Variants in DNAJC16 observed in about 807,000 individuals in gnomAD.
The protein encoded by DNAJC16 is DnaJ heat shock protein family (Hsp40) member C16.
In DNAJC16, 76 loss-of-function variants were observed where a neutral mutation model predicts 92.7. The observed-to-expected ratio is 0.82, with a 90% CI of 0.68 to 0.99. DNAJC16 has a LOEUF of 0.99. DNAJC16 is among the 50% of genes least tolerant of loss of function. DNAJC16 has a pLI of 0.00. For synonymous variants in DNAJC16, 328 were observed against 358.7 expected (o/e 0.91, Z 0.97); for missense variants, 869 against 942.4 (o/e 0.92, Z 1.02).
intron 2 of DNAJC16, among the ~76,000 whole-genome samples, chr1:15,531,173 A>C (rs980159868): frequency 6.6e-6 from 1 of 152,208 alleles, no homozygotes; most frequent in Non-Finnish European, 1.5e-5. Context: ...GCTGAATGCG[A>C]GTAGGAAGTT....
Position 15,544,370 on chromosome 1 carries a change from G to C in DNAJC16, c.575-29G>C, listed in dbSNP as rs557471121. 1.0e-5 allele frequency: 16 copies of C among 1,582,136 alleles called. No individual in the cohort carries two copies. The South Asian group carries it at 1.1e-4, about 11-fold the overall frequency. On this transcript the variant is annotated intron_variant, in intron 4 of 14. Coordinates refer to ENST00000375847, the MANE Select transcript of DNAJC16 (RefSeq NM_015291.4). Reference sequence around the variant, plus strand: ...CCAGCTGCCATGGAGACATAAAAAGGCTTCATTTGGATCTTCCATTCTTTT... The same window carrying C: ...CCAGCTGCCATGGAGACATAAAAAGCCTTCATTTGGATCTTCCATTCTTTT...
At chr1:15,552,776 T>A (rs1638477075) in intron 7 of DNAJC16, among the ~76,000 whole-genome samples, 2 of 149,694 alleles carry the variant, frequency 1.3e-5, no homozygotes, top group South Asian at 4.3e-4. Flanking sequence ...ATTTATTTTT[T>A]TTTTTTTTGG....
At chr1:15,555,696 AAAAAG>A (rs1160463572) in intron 7 of DNAJC16, among the ~76,000 whole-genome samples, 2 of 150,584 alleles carry the variant, frequency 1.3e-5, no homozygotes, top group African/African-American at 4.9e-5. Context: ...AAAAAAAAAA[AAAAAG>A]GTAAGGCCAG....
chr1:15,544,277 A>AT, intron 4 of DNAJC16, 122 bp from the exon 5 acceptor site: 2 of 955,968 alleles, frequency 2.1e-6, no homozygotes, highest in Non-Finnish European at 3.0e-6. Context: ...TAGACAGTCT[A>AT]TTAGGAAAGA....
At chr1:15,538,284 A>G (rs937417923) in intron 4 of DNAJC16, among the ~76,000 whole-genome samples, 1 of 151,452 alleles carries the variant, frequency 6.6e-6, no homozygotes, top group African/African-American at 2.4e-5. Flanking sequence ...AGTCCCAGCT[A>G]CTCCGGAGGC....
At chr1:15,532,801 C>G (rs1161229152) in intron 2 of DNAJC16, among the ~76,000 whole-genome samples, 5 of 151,960 alleles carry the variant, frequency 3.3e-5, no homozygotes, top group African/African-American at 4.8e-5. Context: ...TTTTCCCCCA[C>G]TAATACTCAT....
At chr1:15,564,561 G>A (rs1638767337) in intron 11 of DNAJC16, among the ~76,000 whole-genome samples, 1 of 135,634 alleles carries the variant, frequency 7.4e-6, no homozygotes, top group Non-Finnish European at 1.6e-5. Flanking sequence ...TTTTTTTTGA[G>A]ACAAAGTCTT....
chr1:15,568,461 T>G lies in DNAJC16; in HGVS notation c.*284T>G. 1 of 510,046 alleles carries G rather than the reference T, an allele frequency of 2.0e-6. No individual in the cohort carries two copies. Among genetic ancestry groups the G allele is most frequent in the South Asian group, 3.7e-5 (1 of 27,210 alleles). 31.6% of individuals were successfully genotyped at this position (510,046 alleles called of 1,614,324 possible). On this transcript the variant is annotated 3_prime_UTR_variant, in exon 15 of 15. Coordinates refer to ENST00000375847, the MANE Select transcript of DNAJC16 (RefSeq NM_015291.4). ...CTGCTCATCCCCTCTTCCTTTCTTG[T>G]CCTTGTCCCATGCTCACCCCACCCT...
intron 4 of DNAJC16, among the ~76,000 whole-genome samples, chr1:15,543,254 C>A (rs1303046807): frequency 1.3e-5 from 2 of 152,176 alleles, no homozygotes; most frequent in African/African-American, 4.8e-5. Context: ...TGTGTGTGGA[C>A]CCTGAGTGTG....
At chr1:15,558,850 C>A (rs553685383) in intron 7 of DNAJC16, among the ~76,000 whole-genome samples, 1 of 152,130 alleles carries the variant, frequency 6.6e-6, no homozygotes, top group Admixed American at 6.6e-5. Flanking sequence ...TTTAATTGCC[C>A]AGTTCGCTAC....
rs764935840 is a variant in DNAJC16, at chr1:15,564,319, T to G, written c.1558T>G (p.Tyr520Asp). 1 of 1,611,024 alleles carries G rather than the reference T, an allele frequency of 6.2e-7. No individual in the cohort carries two copies. The highest frequency in any genetic ancestry group is 8.5e-7 in the Non-Finnish European group (1 of 1,177,110). Residue 520 changes from tyrosine (Y) to aspartate (D), a missense_variant, in exon 11 of 15, where the codon TAC becomes GAC. By Grantham distance (160) the Tyr-to-Asp change is radical. Transcript: ENST00000375847. Reference sequence around the variant, plus strand: ...TCGATGGTTCTACTCTGCTTCTGACTACATCTCAGACTGCTGGGATAGCAT... The same window carrying G: ...TCGATGGTTCTACTCTGCTTCTGACGACATCTCAGACTGCTGGGATAGCAT... ...LLRWFYSASD[Y>D]ISDCWDSIFH...
chr1:15,564,865 C>T (rs566267903), intron 11 of DNAJC16, among the ~76,000 whole-genome samples: 2 of 150,270 alleles, frequency 1.3e-5, no homozygotes, highest in Non-Finnish European at 3.0e-5. Flanking sequence ...GACAGAGTCT[C>T]ACTCTGTCAC....
chr1:15,561,584 C>T (rs1489469460), intron 8 of DNAJC16, among the ~76,000 whole-genome samples: 1 of 152,100 alleles, frequency 6.6e-6, no homozygotes, highest in African/African-American at 2.4e-5. Context: ...ACTTGGGAGG[C>T]TGAGGCAGGA....
In DNAJC16 at chr1:15,562,301, T is replaced by C; in HGVS notation, c.1314T>C (p.Ser438=). 1.2e-6 allele frequency: 2 copies of C among 1,613,640 alleles called. No homozygotes were observed. Among genetic ancestry groups the C allele is most frequent in the Non-Finnish European group, 1.7e-6 (2 of 1,179,636 alleles). The part of the protein sequence containing the change: ...QEFADTLLPD[S]EAFQGKSAVS... ...TTGCCGACACCTTACTACCAGACAG[T>C]GAGGCGTTTCAAGGGAAATCAGCGG... is the stretch of plus-strand genomic sequence containing the variant. The change falls in exon 9 of 15, where the codon AGT becomes AGC. Residue 438 remains serine (S), a synonymous_variant. Transcript: ENST00000375847.
intron 8 of DNAJC16, among the ~76,000 whole-genome samples, chr1:15,561,221 A>T (rs1405959699): frequency 6.6e-6 from 1 of 151,764 alleles, no homozygotes; most frequent in Non-Finnish European, 1.5e-5. Context: ...TGTCTATATT[A>T]CCTGACATAT....
chr1:15,554,212 AAAG>A lies in DNAJC16; in HGVS notation c.1024-5311_1024-5309del, dbSNP rs369718309. On this transcript the variant is annotated intron_variant, in intron 7 of 14. Transcript: ENST00000375847. ...AGCAAGACCCTGTCTCAAAAAAAAA[AAAG>A]AAAGAAAATTGCATGATAGGAATAG... 2.7e-3 allele frequency among the ~76,000 whole-genome samples: 417 copies of A among 152,220 alleles called. 3 individuals carry two copies. The highest frequency in any genetic ancestry group is 9.3e-3 in the African/African-American group (385 of 41,566).
chr1:15,563,694 C>CAAA (rs1638743030), intron 9 of DNAJC16, among the ~76,000 whole-genome samples: 171 of 127,830 alleles, frequency 1.3e-3, no homozygotes, highest in African/African-American at 2.4e-3. Context: ...AAAAAAATAC[C>CAAA]AAAAATTAGC....
chr1:15,546,975 G>C, intron 6 of DNAJC16, 104 bp downstream of exon 6: 1 of 812,408 alleles, frequency 1.2e-6, no homozygotes, highest in Non-Finnish European at 1.8e-6. Flanking sequence ...TAGCCTATTT[G>C]TCTTTTTTGT....
In DNAJC16 at chr1:15,540,305, G is replaced by A. The variant is rs961095554; in HGVS notation, c.574+3491G>A. Among the ~76,000 whole-genome samples, 6 of 151,738 alleles carry A rather than the reference G, an allele frequency of 4.0e-5. No individual in the cohort carries two copies. In the South Asian group the frequency reaches 1.0e-3, roughly 26 times the overall value. On this transcript the variant is annotated intron_variant, in intron 4 of 14. Transcript: ENST00000375847. Reference sequence around the variant, plus strand: ...TGCGCCACTGCAGTCTGGCCTGGGCGACAGAATGAGACTCCGTCTCAAAAA... The same window carrying A: ...TGCGCCACTGCAGTCTGGCCTGGGCAACAGAATGAGACTCCGTCTCAAAAA...
Sources: gnomAD v4.1 joint callset for allele counts (sites outside exome capture counted in the v4.1 genomes callset) on GRCh38, gnomAD v4.1.1 for gene constraint, MANE v1.5 for transcripts, NCBI Gene and HGNC (gene_info 2026-07-23, HGNC 2026-07-21) for gene names.